The following PTPRD variants were observed in gnomAD, a reference collection of about 807,000 sequenced individuals.
The protein encoded by PTPRD is protein tyrosine phosphatase receptor type D.
PTPRD carries 34 observed loss-of-function variants against 214.5 expected under a neutral mutation model. The ratio of observed to expected loss-of-function variants is 0.16; its 90% CI spans 0.12 to 0.21. PTPRD has a LOEUF of 0.21. Among genes scored for constraint, PTPRD ranks in the 10% least tolerant of loss-of-function variants. The pLI, the probability that PTPRD is intolerant of heterozygous loss-of-function variation, is 1.00. For missense variants in PTPRD, 2,545 were observed against 2,398.7 expected (o/e 1.06, Z -1.27); for synonymous variants, 1,128 against 845.7 (o/e 1.33, Z -5.79).
At chr9:8,433,784 G>A (rs1358880093) in intron 35 of PTPRD, among the ~76,000 whole-genome samples, 4 of 152,094 alleles carry the variant, frequency 2.6e-5, no homozygotes, top group African/African-American at 9.7e-5. Flanking sequence ...AGTAAGCTAA[G>A]GTTAATCTAC....
chr9:10,034,407 CTTTTTTTT>C (rs56827836), intron 3 of PTPRD, among the ~76,000 whole-genome samples: 5 of 89,542 alleles, frequency 5.6e-5, no homozygotes, highest in African/African-American at 2.2e-4. Context: ...CCTGGCTCTA[CTTTTTTTT>C]TTTTTTTTTT....
chr9:8,343,565 C>A (rs997038886), intron 39 of PTPRD, among the ~76,000 whole-genome samples: 1 of 151,948 alleles, frequency 6.6e-6, no homozygotes, highest in African/African-American at 2.4e-5. Context: ...TGTTAGATGG[C>A]GAGTTTTCCC....
intron 14 of PTPRD, among the ~76,000 whole-genome samples, chr9:8,618,898 TTGTC>T (rs1379480174): frequency 2.6e-5 from 3 of 117,032 alleles, no homozygotes; most frequent in Admixed American, 9.3e-5. Flanking sequence ...GTGTGTGTGT[TTGTC>T]TGTGTTTTTT....
intron 5 of PTPRD, among the ~76,000 whole-genome samples, chr9:9,926,961 A>T (rs976971898): frequency 6.6e-6 from 1 of 152,178 alleles, no homozygotes; most frequent in African/African-American, 2.4e-5. Flanking sequence ...TTGTAACCTT[A>T]AGACTATTAG....
At chr9:10,265,933 T>C (rs937892840) in intron 3 of PTPRD, among the ~76,000 whole-genome samples, 9 of 152,186 alleles carry the variant, frequency 5.9e-5, no homozygotes, top group Non-Finnish European at 8.8e-5. Flanking sequence ...CTTTCATCAC[T>C]GAATAGAATA....
At chr9:10,235,628 C>A (rs2099626528) in intron 3 of PTPRD, among the ~76,000 whole-genome samples, 1 of 151,948 alleles carries the variant, frequency 6.6e-6, no homozygotes, top group South Asian at 2.1e-4. Context: ...GTCTGGTAGT[C>A]AACATTTATG....
At chr9:10,465,352 T>C (rs944384350) in intron 2 of PTPRD, among the ~76,000 whole-genome samples, 8 of 152,138 alleles carry the variant, frequency 5.3e-5, no homozygotes, top group Admixed American at 1.3e-4. Context: ...GTTCATAACA[T>C]TTTTTTGAGT....
At chr9:8,849,394 T>G (rs1484288748) in intron 11 of PTPRD, among the ~76,000 whole-genome samples, 1 of 151,978 alleles carries the variant, frequency 6.6e-6, no homozygotes, top group East Asian at 1.9e-4. Flanking sequence ...GCCCAGCTTA[T>G]TTTTTGTATT....
intron 5 of PTPRD, among the ~76,000 whole-genome samples, chr9:9,877,480 C>G (rs2067221847): frequency 6.6e-6 from 1 of 152,044 alleles, no homozygotes; most frequent in Non-Finnish European, 1.5e-5. Flanking sequence ...GTTAGAACCA[C>G]TGTATGAGGT....
chr9:9,518,813 G>A (rs543362620), intron 8 of PTPRD, among the ~76,000 whole-genome samples: 9 of 152,056 alleles, frequency 5.9e-5, no homozygotes, highest in African/African-American at 2.2e-4. Context: ...ATTCACCTAG[G>A]AGGCAGGTAG....
intron 34 of PTPRD, chr9:8,437,280 A>G (rs1280360960): frequency 1.4e-6 from 2 of 1,390,756 alleles, no homozygotes; most frequent in Non-Finnish European, 1.9e-6. Flanking sequence ...AAAATAGAAC[A>G]AATTCTTCAA....
chr9:9,834,638 C>T (rs1270389162), intron 5 of PTPRD, among the ~76,000 whole-genome samples: 2 of 152,028 alleles, frequency 1.3e-5, no homozygotes, highest in Non-Finnish European at 2.9e-5. Flanking sequence ...AACCCAAAGC[C>T]TCTGGGGTCA....
rs187911892 is a variant in PTPRD, at chr9:9,111,545, A to G, written c.-143+71759T>C. On this transcript the variant is annotated intron_variant, in intron 10 of 45. Coordinates refer to ENST00000381196, the MANE Select transcript of PTPRD (RefSeq NM_002839.4). ...AAACAAATTGCTTCCTGCAAGGCCAATACACACTTTGGGAATTGCCAAAAG... is the reference window on the plus strand; with the variant it reads ...AAACAAATTGCTTCCTGCAAGGCCAGTACACACTTTGGGAATTGCCAAAAG... 7.9e-4 allele frequency among the ~76,000 whole-genome samples: 120 copies of G among 152,240 alleles called. No homozygotes were observed. In the Middle Eastern group the frequency reaches 0.014, roughly 17 times the overall value.
chr9:9,113,685 T>A (rs1006179709), intron 10 of PTPRD, among the ~76,000 whole-genome samples: 1 of 152,100 alleles, frequency 6.6e-6, no homozygotes, highest in Non-Finnish European at 1.5e-5. Flanking sequence ...TACTCTGGGT[T>A]AGGGGTAACA....
chr9:10,176,402 C>T (rs1236170998), intron 3 of PTPRD, among the ~76,000 whole-genome samples: 1 of 151,666 alleles, frequency 6.6e-6, no homozygotes, highest in Non-Finnish European at 1.5e-5. Context: ...AACCAAATCA[C>T]TCAGATTATC....
chr9:10,368,601 G>C (rs1238697861), intron 2 of PTPRD, among the ~76,000 whole-genome samples: 1 of 152,004 alleles, frequency 6.6e-6, no homozygotes, highest in Non-Finnish European at 1.5e-5. Context: ...ACAGAACATT[G>C]TAATTGAGTA....
At chr9:8,324,883 G>A (rs987654271) in intron 44 of PTPRD, among the ~76,000 whole-genome samples, 1 of 152,150 alleles carries the variant, frequency 6.6e-6, no homozygotes, top group Non-Finnish European at 1.5e-5. Context: ...ATGTTTGTCT[G>A]CCGCATCAGT....
At chr9:9,255,776 C>T (rs1019265745) in intron 9 of PTPRD, among the ~76,000 whole-genome samples, 1 of 152,006 alleles carries the variant, frequency 6.6e-6, no homozygotes, top group African/African-American at 2.4e-5. Context: ...ATAAATAATT[C>T]CACAAGATCC....
intron 10 of PTPRD, among the ~76,000 whole-genome samples, chr9:9,075,821 T>G (rs1030225294): frequency 6.6e-6 from 1 of 152,234 alleles, no homozygotes; most frequent in Non-Finnish European, 1.5e-5. Flanking sequence ...TGATGGAAAT[T>G]TGGCTTCTTT....
Sources: gnomAD v4.1 joint callset for allele counts (sites outside exome capture counted in the v4.1 genomes callset) on GRCh38, gnomAD v4.1.1 for gene constraint, MANE v1.5 for transcripts, NCBI Gene and HGNC (gene_info 2026-07-23, HGNC 2026-07-21) for gene names.